The following ZCCHC14 variants were observed in gnomAD, a reference collection of about 807,000 sequenced individuals.
The protein encoded by ZCCHC14 is zinc finger CCHC-type containing 14.
A neutral mutation model predicts 85.0 loss-of-function variants in ZCCHC14; 16 were observed. That is an observed-to-expected ratio of 0.19 (90% CI 0.13 to 0.29). The LOEUF is 0.29. ZCCHC14 is among the 10% of genes least tolerant of loss of function. ZCCHC14 has a pLI of 1.00. For synonymous variants in ZCCHC14, 775 were observed against 630.7 expected, an observed-to-expected ratio of 1.23 and a Z score of -3.43; for missense variants, 1,303 against 1,443.5, an observed-to-expected ratio of 0.90 and a Z score of 1.58.
chr16:87,461,571 G>A lies in ZCCHC14; in HGVS notation c.571-1440C>T, dbSNP rs926227404. Among the ~76,000 whole-genome samples the A allele has an allele frequency of 7.2e-5, 11 of 152,214 alleles. No homozygotes were observed. The East Asian group carries it at 1.9e-3, about 27-fold the overall frequency. On this transcript the variant is annotated intron_variant, in intron 1 of 12. Transcript: ENST00000671377. Reference sequence around the variant, plus strand: ...CCACTTGTTCTTTCATCTCATACCTGGACGGTAGGTGGCAGTTGACCAAAA... The same window carrying A: ...CCACTTGTTCTTTCATCTCATACCTAGACGGTAGGTGGCAGTTGACCAAAA...
intron 1 of ZCCHC14, among the ~76,000 whole-genome samples, chr16:87,481,527 G>GGC (rs1555525659): frequency 8.1e-5 from 1 of 12,300 alleles, no homozygotes; most frequent in South Asian, 7.1e-3. Context: ...GGAGAGAAAC[G>GGC]GGGGGGGGGG....
At chr16:87,478,440 C>G (rs181226516) in intron 1 of ZCCHC14, among the ~76,000 whole-genome samples, 12 of 152,138 alleles carry the variant, frequency 7.9e-5, no homozygotes, top group African/African-American at 2.9e-4. Context: ...GGCCTGAGTT[C>G]TCACGTATGA....
At chr16:87,421,205 C>T (rs961567747) in intron 4 of ZCCHC14, among the ~76,000 whole-genome samples, 1 of 152,184 alleles carries the variant, frequency 6.6e-6, no homozygotes, top group East Asian at 1.9e-4. Context: ...AGAGCCCCAT[C>T]GGTGGCACCT....
chr16:87,438,047 T>C (rs1382343297), intron 2 of ZCCHC14, among the ~76,000 whole-genome samples: 1 of 152,246 alleles, frequency 6.6e-6, no homozygotes, highest in Admixed American at 6.5e-5. Flanking sequence ...AATAACATGG[T>C]TGTGACAGCC....
At chr16:87,428,991 G>A (rs747334611) in intron 3 of ZCCHC14, among the ~76,000 whole-genome samples, 1 of 152,206 alleles carries the variant, frequency 6.6e-6, no homozygotes, top group Non-Finnish European at 1.5e-5. Context: ...GTCTTGGAAC[G>A]TTACAAACAA....
chr16:87,491,549 GA>G lies in ZCCHC14; in HGVS notation c.570+119del, dbSNP rs1912769582. 1 of 904,284 alleles carries G rather than the reference GA, an allele frequency of 1.1e-6. No homozygotes were observed. The highest frequency in any genetic ancestry group is 1.5e-6 in the Non-Finnish European group (1 of 670,162). The allele number at this position is 904,284 out of a possible 1,614,324, so 56.0% of individuals were successfully genotyped here. A position where few individuals can be genotyped will look rare whatever the true frequency, so the allele number is the denominator to read the frequency against. On this transcript the variant is annotated intron_variant, in intron 1 of 12. Transcript: ENST00000671377. The surrounding 1 kb of genome is among the most constrained non-coding windows in gnomAD (Gnocchi z 5.9). ...TGGTGCAGGTTGGAGACCTGGGTGG[GA>G]GCTCTCAGTGCAGGCTGGAGGCGTG...
At chr16:87,487,332 G>A (rs1912554211) in intron 1 of ZCCHC14, among the ~76,000 whole-genome samples, 2 of 152,176 alleles carry the variant, frequency 1.3e-5, no homozygotes, top group Admixed American at 1.3e-4. Context: ...CCATGAAGCA[G>A]TTCATTATCC....
In ZCCHC14 at chr16:87,433,203, TGTAAAA is replaced by T. The variant is rs756768120; in HGVS notation, c.695-8_695-3del. ...TCAGGTCTATCTTTTCAACACTCACTGTAAAAGTAAAACAAAAAACAAAAATGAAAT... is the reference window on the plus strand; with the variant it reads ...TCAGGTCTATCTTTTCAACACTCACTGTAAAACAAAAAACAAAAATGAAAT... On this transcript the variant is annotated splice_polypyrimidine_tract_variant and splice_region_variant and intron_variant, in intron 2 of 12. Transcript: ENST00000671377. The T allele has an allele frequency of 8.7e-6, 14 of 1,613,618 alleles. No homozygotes were observed. Among genetic ancestry groups the T allele is most frequent in the African/African-American group, 1.3e-5 (1 of 75,012 alleles).
intron 1 of ZCCHC14, among the ~76,000 whole-genome samples, chr16:87,462,854 G>A (rs1290179192): frequency 6.6e-6 from 1 of 152,026 alleles, no homozygotes; most frequent in Non-Finnish European, 1.5e-5. Flanking sequence ...CAGATCACCT[G>A]AGGTCAGGAG....
chr16:87,476,111 C>T (rs1288710677), intron 1 of ZCCHC14, among the ~76,000 whole-genome samples: 2 of 152,162 alleles, frequency 1.3e-5, no homozygotes, highest in East Asian at 1.9e-4. Flanking sequence ...AAGGACCTCA[C>T]GTCCAGTGCA....
Position 87,460,091 on chromosome 16 carries a change from T to C in ZCCHC14, c.611A>G (p.Asn204Ser), listed in dbSNP as rs1911184221. Residue 204 changes from asparagine (N) to serine (S), a missense_variant, in exon 2 of 13, where the codon AAT becomes AGT. Transcript: ENST00000671377. ...RTEAPVSSVS[N>S]SLENALHTSA... The stretch of plus-strand genomic sequence containing the variant: ...TGTGTGCAGGGCATTCTCCAAACTA[T>C]TACTGACACTGCTGACAGGGGCCTC... 6.2e-7 allele frequency: 1 copy of C among 1,614,118 alleles called. No individual in the cohort carries two copies. Among genetic ancestry groups the C allele is most frequent in the South Asian group, 1.1e-5 (1 of 91,072 alleles).
rs370818394 is a variant in ZCCHC14 at position 87,417,618 on chromosome 16, G to C, written c.1225C>G (p.Leu409Val). ...CSHAGSAGSA[L>V]AYRTQMDTSP... Reference sequence around the variant, plus strand: ...GTGTCCATCTGGGTCCGGTAGGCCAGGGCTGAGCCCGCGCTGCCCGCATGG... The same window carrying C: ...GTGTCCATCTGGGTCCGGTAGGCCACGGCTGAGCCCGCGCTGCCCGCATGG... Residue 409 changes from leucine to valine, a missense_variant, in exon 8 of 13, where the codon CTG (leucine) becomes GTG (valine). This residue lies in a region of ZCCHC14 where 389 missense variants were observed against 397.8 expected (regional missense o/e 0.98). Coordinates refer to ENST00000671377, the MANE Select transcript of ZCCHC14 (RefSeq NM_015144.3). The C allele has an allele frequency of 1.2e-6, 2 of 1,614,106 alleles. No homozygotes were observed. Among genetic ancestry groups the C allele is most frequent in the Non-Finnish European group, 1.7e-6 (2 of 1,180,036 alleles).
intron 2 of ZCCHC14, among the ~76,000 whole-genome samples, chr16:87,459,220 C>G (rs1911130938): frequency 6.6e-6 from 1 of 152,168 alleles, no homozygotes; most frequent in East Asian, 1.9e-4. Flanking sequence ...TGGCTGCTGA[C>G]AACCAACTCA....
chr16:87,448,371 T>C (rs756571493), intron 2 of ZCCHC14, among the ~76,000 whole-genome samples: 1 of 152,280 alleles, frequency 6.6e-6, no homozygotes, highest in Non-Finnish European at 1.5e-5. Context: ...CATTTCTTGA[T>C]CCCTTATCAA....
chr16:87,420,626 C>G lies in ZCCHC14; in HGVS notation c.931G>C (p.Asp311His). The stretch of plus-strand genomic sequence containing the variant: ...CCTCACCTCAGGCCTGAGTCCAGAT[C>G]CACGTGGTTTCGCTCCACATAAAAT... ...DAFYVERNHVDLDSGLRYLAS... is the reference protein window; with the variant it reads ...DAFYVERNHVHLDSGLRYLAS... The change falls in exon 5 of 13, where the codon GAT (aspartate) becomes CAT (histidine). Residue 311 changes from aspartate (D) to histidine (H), a missense_variant. Around this residue, in one of 7 missense-constraint regions of ZCCHC14, gnomAD observed 389 missense variants for 397.8 expected, o/e 0.98. Coordinates refer to ENST00000671377, the MANE Select transcript of ZCCHC14 (RefSeq NM_015144.3). This position sits in a 1 kb window ranked among gnomAD's most constrained non-coding sequence, Gnocchi z 5.0. 1.9e-6 allele frequency: 3 copies of G among 1,613,602 alleles called. No individual in the cohort carries two copies. Among genetic ancestry groups the G allele is most frequent in the Non-Finnish European group, 2.5e-6 (3 of 1,179,770 alleles).
intron 8 of ZCCHC14, among the ~76,000 whole-genome samples, chr16:87,416,106 A>T (rs1406650850): frequency 6.6e-6 from 1 of 151,942 alleles, no homozygotes; most frequent in East Asian, 2.0e-4. Context: ...TTGTATTTTT[A>T]GTAGAGACGG....
chr16:87,474,496 G>A (rs922678609), intron 1 of ZCCHC14: 7 of 152,244 alleles, frequency 4.6e-5, no homozygotes, highest in Admixed American at 3.9e-4. Context: ...AGTAATGGCT[G>A]AGACGTTGGA....
intron 1 of ZCCHC14, among the ~76,000 whole-genome samples, chr16:87,461,772 GACA>G (rs1911270739): frequency 6.6e-6 from 1 of 152,240 alleles, no homozygotes; most frequent in Non-Finnish European, 1.5e-5. Context: ...GTATTCCACA[GACA>G]GCAAGCCACA....
At chr16:87,477,079 C>A (rs1007666284) in intron 1 of ZCCHC14, among the ~76,000 whole-genome samples, 3 of 128,928 alleles carry the variant, frequency 2.3e-5, no homozygotes, top group Non-Finnish European at 4.6e-5. Context: ...GAGCCAAGAT[C>A]GCTACATTGT....
Sources: gnomAD v4.1 joint callset for allele counts (sites outside exome capture counted in the v4.1 genomes callset) on GRCh38, gnomAD v4.1.1 for gene constraint, gnomAD v4.1.1 regional missense constraint, Gnocchi (gnomAD v3.1) non-coding constraint, MANE v1.5 for transcripts, NCBI Gene and HGNC (gene_info 2026-07-23, HGNC 2026-07-21) for gene names.